CDK15: variants seen among roughly 807,000 people sequenced by gnomAD.
The protein encoded by CDK15 is cyclin-dependent kinase 15.
Under a neutral mutation model 60.3 loss-of-function variants are expected in CDK15, and 62 were observed. The ratio of observed to expected loss-of-function variants is 1.03; its 90% CI spans 0.84 to 1.27. The LOEUF (loss-of-function observed/expected upper bound fraction) is 1.27. Ranked by LOEUF, CDK15 falls within the 50% of genes most tolerant of loss-of-function variation. CDK15 has a pLI of 0.00. For missense variants in CDK15, 541 were observed against 527.8 expected (o/e 1.03, Z -0.25); for synonymous variants, 194 against 195.7 (o/e 0.99, Z 0.07).
chr2:201,818,999 T>C (rs1465277993), intron 4 of CDK15, among the ~76,000 whole-genome samples: 1 of 152,082 alleles, frequency 6.6e-6, no homozygotes, highest in Non-Finnish European at 1.5e-5. Flanking sequence ...GTGCCCACTC[T>C]CAATGGAGTT....
At chr2:201,871,807 A>G (rs937467842) in intron 10 of CDK15, among the ~76,000 whole-genome samples, 2 of 151,774 alleles carry the variant, frequency 1.3e-5, no homozygotes, top group Admixed American at 1.3e-4. Flanking sequence ...CGTGGGAGGG[A>G]TGTGAGGGAG....
intron 10 of CDK15, among the ~76,000 whole-genome samples, chr2:201,860,493 T>G (rs1167922412): frequency 6.6e-6 from 1 of 152,162 alleles, no homozygotes; most frequent in Non-Finnish European, 1.5e-5. Flanking sequence ...CTGCTGAAAA[T>G]CATGCCTGAT....
chr2:201,890,862 C>T lies in CDK15; in HGVS notation c.1276C>T (p.His426Tyr), dbSNP rs747751660. The change falls in exon 13 of 14, where the codon CAC becomes TAC. Residue 426 changes from histidine (H) to tyrosine (Y), a missense_variant. Physicochemically the swap from His to Tyr is moderately conservative, Grantham distance 83. Coordinates refer to ENST00000652192, the MANE Select transcript of CDK15 (RefSeq NM_001366386.2). ...CCTTTTGGCCTCCTACCAGAAAGGTCACCACCCAGCCCAGTTTAGCAAATG... is the reference window on the plus strand; with the variant it reads ...CCTTTTGGCCTCCTACCAGAAAGGTTACCACCCAGCCCAGTTTAGCAAATG... ...CDLLASYQKG[H>Y]HPAQFSKCW The T allele has an allele frequency of 9.3e-6, 15 of 1,613,616 alleles. No individual in the cohort carries two copies. The highest frequency in any genetic ancestry group is 1.3e-5 in the Non-Finnish European group (15 of 1,179,778).
rs768045931 is a variant in CDK15 at position 201,854,865 on chromosome 2, T to TTTATATAGGTGCTGGGAG, written c.946-7_956dup. ...TCACCTTTCTTTTTCTTTGTTTGGC[T>TTTATATAGGTGCTGGGAG]TTATATAGGTGCTGGGAGTCCCTAC... On this transcript the variant is annotated splice_polypyrimidine_tract_variant and intron_variant, in intron 9 of 13. Coordinates refer to ENST00000652192, the MANE Select transcript of CDK15 (RefSeq NM_001366386.2). 1.2e-5 allele frequency: 19 copies of TTTATATAGGTGCTGGGAG among 1,613,750 alleles called. No individual in the cohort carries two copies. The African/African-American group carries it at 2.1e-4, about 18-fold the overall frequency.
rs1039829856 is a variant in CDK15, at chr2:201,806,542, C to T, written c.-123C>T. On this transcript the variant is annotated 5_prime_UTR_variant, in exon 1 of 14. Transcript: ENST00000652192. ...GTTGTGAGGCTGCTCCAGGCAGAGC[C>T]ATCATGTGAGTCATATGAAAGCTCC... The T allele has an allele frequency of 2.6e-6, 3 of 1,142,062 alleles. No homozygotes were observed. In the African/African-American group the frequency reaches 4.7e-5, roughly 18 times the overall value. 70.7% of individuals were successfully genotyped at this position (1,142,062 alleles called of 1,614,324 possible).
Position 201,882,314 on chromosome 2 carries a change from A to C in CDK15, c.1198+2147A>C, listed in dbSNP as rs1222008343. On this transcript the variant is annotated intron_variant, in intron 12 of 13. Transcript: ENST00000652192. This position sits in a 1 kb window ranked among gnomAD's most constrained non-coding sequence, Gnocchi z 4.0. ...CACTTTTAGAAAAATGAAAAGATGG[A>C]ATCTTGTAGGAGGCTGCCTGCACTA... Among the ~76,000 whole-genome samples, 1 of 152,086 alleles carries C rather than the reference A, an allele frequency of 6.6e-6. No individual in the cohort carries two copies. Among genetic ancestry groups the C allele is most frequent in the Non-Finnish European group, 1.5e-5 (1 of 68,024 alleles).
chr2:201,872,231 G>A, intron 10 of CDK15, 47 bp from the exon 11 acceptor site: 1 of 1,599,912 alleles, frequency 6.3e-7, no homozygotes, highest in Non-Finnish European at 8.6e-7. Context: ...TGGCAACAGG[G>A]TTTTCGGGTG....
chr2:201,869,395 G>A (rs921134820), intron 10 of CDK15, among the ~76,000 whole-genome samples: 72 of 151,932 alleles, frequency 4.7e-4, no homozygotes, highest in Non-Finnish European at 2.1e-4. Context: ...GGGGGGCAGG[G>A]GGAGGGATAG....
At chr2:201,846,717 GT>G (rs1401992756) in intron 8 of CDK15, among the ~76,000 whole-genome samples, 1 of 152,046 alleles carries the variant, frequency 6.6e-6, no homozygotes, top group Non-Finnish European at 1.5e-5. Flanking sequence ...ATGACTCTCT[GT>G]TGTTTTATGG....
Position 201,893,366 on chromosome 2 carries a change from C to T in CDK15, c.*99C>T, listed in dbSNP as rs1015546589. 5 of 152,130 alleles carry T rather than the reference C, an allele frequency of 3.3e-5. No homozygotes were observed. Among genetic ancestry groups the T allele is most frequent in the African/African-American group, 7.2e-5 (3 of 41,420 alleles). The allele number at this position is 152,130 out of a possible 1,614,324, so 9.4% of individuals were successfully genotyped here. On this transcript the variant is annotated 3_prime_UTR_variant, in exon 14 of 14. Coordinates refer to ENST00000652192, the MANE Select transcript of CDK15 (RefSeq NM_001366386.2). ...TACTAAGAAGCTTCAAATCTAACTCCATACTGAACAAGGGGCTTTATGTCC... is the reference window on the plus strand; with the variant it reads ...TACTAAGAAGCTTCAAATCTAACTCTATACTGAACAAGGGGCTTTATGTCC...
intron 6 of CDK15, among the ~76,000 whole-genome samples, chr2:201,826,270 T>G (rs1334316691): frequency 6.6e-6 from 1 of 151,816 alleles, no homozygotes; most frequent in East Asian, 1.9e-4. Flanking sequence ...ACCATCCTGG[T>G]TAACACGGTG....
intron 8 of CDK15, among the ~76,000 whole-genome samples, chr2:201,841,943 A>G (rs1220900207): frequency 6.6e-6 from 1 of 152,238 alleles, no homozygotes; most frequent in Non-Finnish European, 1.5e-5. Context: ...GCAATATTTT[A>G]GGATTATTAA....
chr2:201,891,631 G>A (rs1296744128), intron 13 of CDK15, among the ~76,000 whole-genome samples: 2 of 152,082 alleles, frequency 1.3e-5, no homozygotes, highest in Admixed American at 6.5e-5. Flanking sequence ...ACCCTTAAAT[G>A]AGTACTGCTA....
chr2:201,808,919 T>TA (rs1695632488), intron 3 of CDK15: 1 of 43,388 alleles, frequency 2.3e-5, no homozygotes, highest in South Asian at 1.5e-3. Context: ...TATTTTATTA[T>TA]TTATATATTT....
chr2:201,880,590 G>A (rs1159171673), intron 12 of CDK15, among the ~76,000 whole-genome samples: 2 of 152,190 alleles, frequency 1.3e-5, no homozygotes, highest in East Asian at 1.9e-4. Flanking sequence ...GTCCTGAGAG[G>A]GAGCTGGGCC....
intron 9 of CDK15, among the ~76,000 whole-genome samples, chr2:201,853,281 GT>G (rs1697990420): frequency 6.6e-6 from 1 of 152,150 alleles, no homozygotes. Context: ...TCACTTTTCA[GT>G]TTGTTTAGGG....
In CDK15 at chr2:201,880,044, G is replaced by A. The variant is rs763714093; in HGVS notation, c.1075G>A (p.Glu359Lys). Residue 359 changes from glutamate to lysine, a missense_variant, in exon 12 of 14, where the codon GAA becomes AAA. Transcript: ENST00000652192. ...VVWNRLGRVP[E>K]AEDLASQMLK... ...CTTTTCCAGGCTGGGCAGGGTTCCTGAAGCTGAAGACCTGGCCTCCCAGAT... is the reference window on the plus strand; with the variant it reads ...CTTTTCCAGGCTGGGCAGGGTTCCTAAAGCTGAAGACCTGGCCTCCCAGAT... The A allele has an allele frequency of 7.4e-6, 12 of 1,613,970 alleles. No individual in the cohort carries two copies. Among genetic ancestry groups the A allele is most frequent in the South Asian group, 6.6e-5 (6 of 91,074 alleles).
At chr2:201,891,744 G>C (rs1699645267) in intron 13 of CDK15, among the ~76,000 whole-genome samples, 1 of 152,176 alleles carries the variant, frequency 6.6e-6, no homozygotes, top group African/African-American at 2.4e-5. Context: ...TTCCATGGTG[G>C]TAGATGGGAC....
At position 201,806,644 on chromosome 2, in the gene CDK15, T is replaced by C; in HGVS notation, c.-21T>C. 1 of 1,566,454 alleles carries C rather than the reference T, an allele frequency of 6.4e-7. No homozygotes were observed. The highest frequency in any genetic ancestry group is 1.3e-5 in the African/African-American group (1 of 74,528). On this transcript the variant is annotated 5_prime_UTR_variant, in exon 1 of 14. Transcript: ENST00000652192. ...GGGGGAAAGGTTCAAGTGCGGGTTT[T>C]CTCCTTGAACCTACAAGATTATGGG...
Sources: gnomAD v4.1 joint callset for allele counts (sites outside exome capture counted in the v4.1 genomes callset) on GRCh38, gnomAD v4.1.1 for gene constraint, Gnocchi (gnomAD v3.1) non-coding constraint, MANE v1.5 for transcripts, NCBI Gene and HGNC (gene_info 2026-07-23, HGNC 2026-07-21) for gene names.